The following SNCAIP variants were observed in gnomAD, a reference collection of about 807,000 sequenced individuals.
SNCAIP encodes synuclein alpha interacting protein, also known as synphilin-1.
A neutral mutation model predicts 86.7 loss-of-function variants in SNCAIP; 43 were observed. The ratio of observed to expected loss-of-function variants is 0.50; its 90% CI spans 0.39 to 0.64. The LOEUF (loss-of-function observed/expected upper bound fraction) is 0.64. SNCAIP is among the 30% of genes least tolerant of loss of function. SNCAIP has a pLI of 0.00. For synonymous variants in SNCAIP, 417 were observed against 427.2 expected, an observed-to-expected ratio of 0.98 and a Z score of 0.29; for missense variants, 981 against 1,103.1, an observed-to-expected ratio of 0.89 and a Z score of 1.57.
At chr5:122,460,534 ATC>A in intron 10 of SNCAIP, among the ~76,000 whole-genome samples, 1 of 151,560 alleles carries the variant, frequency 6.6e-6, no homozygotes, top group Non-Finnish European at 1.5e-5. Flanking sequence ...TCTCTTTCCT[ATC>A]TCTCACACAC....
At chr5:122,332,992 G>C (rs1369376311) in intron 1 of SNCAIP, among the ~76,000 whole-genome samples, 1 of 152,194 alleles carries the variant, frequency 6.6e-6, no homozygotes, top group East Asian at 1.9e-4. Context: ...ATTTGGTTGA[G>C]AGACATGGCC....
intron 3 of SNCAIP, among the ~76,000 whole-genome samples, chr5:122,416,439 T>A (rs304392): frequency 0.42 from 63,971 of 151,978 alleles, 13,719 homozygotes; most frequent in East Asian, 0.66. Flanking sequence ...TGTAGCATCA[T>A]TGAAAAGGAT....
At chr5:122,403,369 A>G (rs923555324) in intron 2 of SNCAIP, among the ~76,000 whole-genome samples, 1 of 152,126 alleles carries the variant, frequency 6.6e-6, no homozygotes, top group African/African-American at 2.4e-5. Context: ...ACTGCCCCGG[A>G]TGCTGCAGGA....
chr5:122,356,095 CTTTTTTTTTTT>C (rs757246404), intron 1 of SNCAIP, among the ~76,000 whole-genome samples: 1 of 102,766 alleles, frequency 9.7e-6, no homozygotes, highest in Non-Finnish European at 2.0e-5. Context: ...GTTAGCCTTT[CTTTTTTTTTTT>C]TTTTTTTTTT....
In SNCAIP at chr5:122,428,568, GT is replaced by G. The variant is rs140531370; in HGVS notation, c.1182+3050del. 2.8e-3 allele frequency among the ~76,000 whole-genome samples: 405 copies of G among 144,848 alleles called. 1 individual carries two copies. Among genetic ancestry groups the G allele is most frequent in the Middle Eastern group, 0.018 (5 of 274 alleles). ...TAGGCTATGAAACAAGTCTCAATAAGTTTTTTTTTTTTTACCTTTTATTTTT... is the reference window on the plus strand; with the variant it reads ...TAGGCTATGAAACAAGTCTCAATAAGTTTTTTTTTTTTACCTTTTATTTTT... On this transcript the variant is annotated intron_variant, in intron 5 of 10. Coordinates refer to ENST00000261368, the MANE Select transcript of SNCAIP (RefSeq NM_005460.4).
Position 122,435,785 on chromosome 5 carries a change from A to G in SNCAIP, c.1296+3703A>G, listed in dbSNP as rs189561684. Among the ~76,000 whole-genome samples, 52 of 152,266 alleles carry G rather than the reference A, an allele frequency of 3.4e-4. No homozygotes were observed. In the East Asian group the frequency reaches 5.2e-3, roughly 15 times the overall value. On this transcript the variant is annotated intron_variant, in intron 6 of 10. Coordinates refer to ENST00000261368, the MANE Select transcript of SNCAIP (RefSeq NM_005460.4). ...GGCTGTGTTATTGTTGTTTTTCCAC[A>G]ATTTACTTTAAAAAGGAAAAATATT... is the stretch of plus-strand genomic sequence containing the variant.
intron 1 of SNCAIP, among the ~76,000 whole-genome samples, chr5:122,325,781 ATTC>A: frequency 6.6e-6 from 1 of 152,202 alleles, no homozygotes; most frequent in East Asian, 1.9e-4. Flanking sequence ...ATATTTTTGC[ATTC>A]TTCAATTTTT....
At chr5:122,317,160 C>T (rs544880025) in intron 1 of SNCAIP, among the ~76,000 whole-genome samples, 1 of 152,210 alleles carries the variant, frequency 6.6e-6, no homozygotes, top group South Asian at 2.1e-4. Context: ...ACTCTTGTCA[C>T]AGTAATGTAG....
At position 122,419,935 on chromosome 5, in the gene SNCAIP, C is replaced by A. The variant is rs1402900734; in HGVS notation, c.131-2933C>A. ...AATACATGATTACAGAGCTTAGCAG[C>A]AATAAAGGAATTGAATTTTGTCTTT... On this transcript the variant is annotated intron_variant, in intron 3 of 10. Coordinates refer to ENST00000261368, the MANE Select transcript of SNCAIP (RefSeq NM_005460.4). Among the ~76,000 whole-genome samples, 6 of 152,250 alleles carry A rather than the reference C, an allele frequency of 3.9e-5. 1 individual carries two copies. Among genetic ancestry groups the A allele is most frequent in the Admixed American group, 6.5e-5 (1 of 15,292 alleles).
At chr5:122,412,099 G>T (rs996284771) in intron 3 of SNCAIP, among the ~76,000 whole-genome samples, 8 of 152,060 alleles carry the variant, frequency 5.3e-5, no homozygotes, top group African/African-American at 7.2e-5. Flanking sequence ...TTCTTCAAAT[G>T]TGCAGTGTTC....
At chr5:122,449,031 G>A (rs1783136673) in intron 8 of SNCAIP, among the ~76,000 whole-genome samples, 2 of 151,686 alleles carry the variant, frequency 1.3e-5, no homozygotes, top group African/African-American at 4.8e-5. Flanking sequence ...AAAAAATGAG[G>A]TTACAGATGC....
chr5:122,425,132 C>T (rs1777105514), intron 4 of SNCAIP, among the ~76,000 whole-genome samples: 1 of 152,202 alleles, frequency 6.6e-6, no homozygotes. Context: ...GGCCCTAGCC[C>T]TGTTGCCATG....
chr5:122,314,410 G>T (rs1751283296), intron 1 of SNCAIP, among the ~76,000 whole-genome samples: 1 of 152,188 alleles, frequency 6.6e-6, no homozygotes. Context: ...AAATCTAATT[G>T]AATAGCAACA....
chr5:122,402,014 G>A (rs1027965104), intron 2 of SNCAIP, among the ~76,000 whole-genome samples: 16 of 151,774 alleles, frequency 1.1e-4, no homozygotes, highest in Non-Finnish European at 2.1e-4. Context: ...ACAAACCTTA[G>A]TGAATTTTTC....
chr5:122,347,991 C>G (rs995637064), intron 1 of SNCAIP, among the ~76,000 whole-genome samples: 1 of 151,860 alleles, frequency 6.6e-6, no homozygotes, highest in South Asian at 2.1e-4. Context: ...AGCAAGCCAA[C>G]GTATAGATAG....
chr5:122,422,212 G>A (rs149508040), intron 3 of SNCAIP, among the ~76,000 whole-genome samples: 1 of 152,132 alleles, frequency 6.6e-6, no homozygotes, highest in African/African-American at 2.4e-5. Flanking sequence ...AGTTGACCAG[G>A]GTACTTTGAC....
At chr5:122,422,610 G>T (rs901794504) in intron 3 of SNCAIP, among the ~76,000 whole-genome samples, 4 of 152,090 alleles carry the variant, frequency 2.6e-5, no homozygotes, top group African/African-American at 9.7e-5. Flanking sequence ...ATCTGGGTTT[G>T]CTTCCTTAGC....
chr5:122,397,616 C>T (rs1436888217), intron 2 of SNCAIP, among the ~76,000 whole-genome samples: 2 of 151,926 alleles, frequency 1.3e-5, no homozygotes, highest in Admixed American at 1.3e-4. Context: ...ATTAATGGAG[C>T]CCAAATGGTG....
intron 1 of SNCAIP, among the ~76,000 whole-genome samples, chr5:122,356,640 C>T (rs929019931): frequency 1.3e-5 from 2 of 152,102 alleles, no homozygotes; most frequent in African/African-American, 4.8e-5. Context: ...AGGGTCAGTC[C>T]CTCCCCAGTG....
Sources: gnomAD v4.1 joint callset for allele counts (sites outside exome capture counted in the v4.1 genomes callset) on GRCh38, gnomAD v4.1.1 for gene constraint, MANE v1.5 for transcripts, NCBI Gene and HGNC (gene_info 2026-07-23, HGNC 2026-07-21) for gene names.